Variants in ATXN7 observed in about 807,000 individuals in gnomAD.
ATXN7 encodes ataxin 7, also known as ataxin-7.
Under a neutral mutation model 70.5 loss-of-function variants are expected in ATXN7, and 12 were observed. That is an observed-to-expected ratio of 0.17 (90% CI 0.11 to 0.28). The LOEUF (loss-of-function observed/expected upper bound fraction) is 0.28. Among genes scored for constraint, ATXN7 ranks in the 10% least tolerant of loss-of-function variants. The pLI is 1.00. For missense variants in ATXN7, 1,256 were observed against 1,131.7 expected (o/e 1.11, Z -1.58); for synonymous variants, 498 against 448.7 (o/e 1.11, Z -1.39).
chr3:63,914,292 CTG>C (rs1417089765), intron 4 of ATXN7, among the ~76,000 whole-genome samples: 4 of 152,182 alleles, frequency 2.6e-5, no homozygotes, highest in Admixed American at 1.3e-4. Flanking sequence ...TCACTTAACT[CTG>C]TTTCGGTTTT....
At chr3:63,994,059 C>T (rs2075715871) in intron 11 of ATXN7, among the ~76,000 whole-genome samples, 1 of 152,124 alleles carries the variant, frequency 6.6e-6, no homozygotes, top group Non-Finnish European at 1.5e-5. Flanking sequence ...TTAGAATCCC[C>T]TGGAAAGATT....
At chr3:63,876,885 A>T (rs1044034753) in intron 1 of ATXN7, among the ~76,000 whole-genome samples, 1 of 152,234 alleles carries the variant, frequency 6.6e-6, no homozygotes, top group Non-Finnish European at 1.5e-5. Flanking sequence ...TGGCGTTCTT[A>T]CAGAGAGAAA....
At chr3:63,917,509 G>T (rs990317911) in intron 4 of ATXN7, among the ~76,000 whole-genome samples, 1 of 152,160 alleles carries the variant, frequency 6.6e-6, no homozygotes. Flanking sequence ...AACCTATATT[G>T]TGTCATTGTA....
At position 63,995,685 on chromosome 3, in the gene ATXN7, T is replaced by G. The variant is rs1192458804; in HGVS notation, c.1863T>G (p.His621Gln). 1 of 1,614,192 alleles carries G rather than the reference T, an allele frequency of 6.2e-7. No homozygotes were observed. Among genetic ancestry groups the G allele is most frequent in the Admixed American group, 1.7e-5 (1 of 60,024 alleles). Residue 621 changes from histidine to glutamine, a missense_variant, in exon 12 of 13, where the codon CAT becomes CAG. By Grantham distance (24) the His-to-Gln change is conservative. Coordinates refer to ENST00000674280, the MANE Select transcript of ATXN7 (RefSeq NM_001377405.1). Reference protein sequence around the residue: ...ISPNSKSVPAHGTTLNAQPAA... With the variant: ...ISPNSKSVPAQGTTLNAQPAA... ...CAAATAGCAAATCGGTACCAGCTCA[T>G]GGAACCACACTAAATGCACAGCCTG...
At chr3:63,897,931 T>A (rs1328412657) in intron 1 of ATXN7, among the ~76,000 whole-genome samples, 2 of 152,198 alleles carry the variant, frequency 1.3e-5, no homozygotes, top group Admixed American at 1.3e-4. Context: ...TTTAATTGAA[T>A]TGTTACCTGT....
intron 4 of ATXN7, among the ~76,000 whole-genome samples, chr3:63,935,202 T>C (rs2074636306): frequency 6.6e-6 from 1 of 152,140 alleles, no homozygotes; most frequent in Non-Finnish European, 1.5e-5. Flanking sequence ...ACAGTCACAT[T>C]ATGGAGGAGA....
rs1280043935 is a variant in ATXN7, at chr3:64,000,881, G to C, written c.*1414G>C. 1 of 145,374 alleles carries C rather than the reference G, an allele frequency of 6.9e-6. No homozygotes were observed. The highest frequency in any genetic ancestry group is 2.1e-4 in the East Asian group (1 of 4,866). 9.0% of individuals were successfully genotyped at this position (145,374 alleles called of 1,614,324 possible). Reference sequence around the variant, plus strand: ...AAGGTGTCATTGAATTCCGGGACGAGCCGGAGCCTTTAAATGGGTGCTTCC... The same window carrying C: ...AAGGTGTCATTGAATTCCGGGACGACCCGGAGCCTTTAAATGGGTGCTTCC... On this transcript the variant is annotated 3_prime_UTR_variant, in exon 13 of 13. Coordinates refer to ENST00000674280, the MANE Select transcript of ATXN7 (RefSeq NM_001377405.1).
intron 1 of ATXN7, chr3:63,873,990 C>T (rs1253136546): frequency 6.6e-6 from 1 of 152,226 alleles, no homozygotes; most frequent in Non-Finnish European, 1.5e-5. Context: ...CATCAGCCAC[C>T]ACACCTGGCC....
At position 63,883,548 on chromosome 3, in the gene ATXN7, A is replaced by C. The variant is rs566063281; in HGVS notation, c.-110-14851A>C. 1.5e-3 allele frequency among the ~76,000 whole-genome samples: 233 copies of C among 152,316 alleles called. 2 individuals are homozygous for C. Among genetic ancestry groups the C allele is most frequent in the African/African-American group, 5.4e-3 (225 of 41,572 alleles). On this transcript the variant is annotated intron_variant, in intron 1 of 12. Transcript: ENST00000674280. ...ATTCATTTATTCCCAATTAAAAAAA[A>C]AAACAAACTAGTTGTAACATTAAAA... is the stretch of plus-strand genomic sequence containing the variant.
At chr3:63,878,034 G>A (rs1214601173) in intron 1 of ATXN7, among the ~76,000 whole-genome samples, 2 of 152,194 alleles carry the variant, frequency 1.3e-5, no homozygotes, top group Non-Finnish European at 2.9e-5. Flanking sequence ...TTGCATTAGT[G>A]CAGAAAAAAG....
rs748075731 is a variant in ATXN7, at chr3:63,995,673, G to A, written c.1851G>A (p.Ser617=). The A allele has an allele frequency of 1.7e-5, 28 of 1,613,996 alleles. No individual in the cohort carries two copies. The highest frequency in any genetic ancestry group is 1.6e-4 in the Middle Eastern group (1 of 6,084). The change falls in exon 12 of 13, where the codon TCG becomes TCA. Residue 617 remains serine (S), a synonymous_variant. Coordinates refer to ENST00000674280, the MANE Select transcript of ATXN7 (RefSeq NM_001377405.1). ...CCTGCATCTCCCCAAATAGCAAATC[G>A]GTACCAGCTCATGGAACCACACTAA... The part of the protein sequence containing the change: ...SSTCISPNSK[S]VPAHGTTLNA...
rs2075798781 is a variant in ATXN7 at position 63,998,681 on chromosome 3, C to T, written c.2662-769C>T. On this transcript the variant is annotated intron_variant, in intron 12 of 12. Coordinates refer to ENST00000674280, the MANE Select transcript of ATXN7 (RefSeq NM_001377405.1). ...GGTGCTTGCTTAGAGATCAAAGGAT[C>T]ATTGAACCCCAAGAAGTATTGCACA... is the stretch of plus-strand genomic sequence containing the variant. 4 of 984,980 alleles carry T rather than the reference C, an allele frequency of 4.1e-6. No individual in the cohort carries two copies. The East Asian group carries it at 3.4e-4, about 84-fold the overall frequency. 61.0% of individuals were successfully genotyped at this position (984,980 alleles called of 1,614,324 possible). A position where few individuals can be genotyped will look rare whatever the true frequency, so the allele number is the denominator to read the frequency against.
At chr3:63,901,627 T>C (rs1478761608) in intron 2 of ATXN7, 2 of 152,204 alleles carry the variant, frequency 1.3e-5, no homozygotes, top group East Asian at 3.9e-4. Flanking sequence ...GGTCTCGCTA[T>C]GTGTCCTAGG....
chr3:63,933,775 T>C (rs145316578), intron 4 of ATXN7, among the ~76,000 whole-genome samples: 3 of 152,314 alleles, frequency 2.0e-5, no homozygotes, highest in East Asian at 3.9e-4. Context: ...GAAATAAACC[T>C]GTGCAAAGTA....
At chr3:63,983,486 TA>T (rs559706269) in intron 8 of ATXN7, among the ~76,000 whole-genome samples, 24 of 149,396 alleles carry the variant, frequency 1.6e-4, no homozygotes, top group Admixed American at 2.7e-4. Context: ...TTTTCTAGTT[TA>T]AAAAAAAAAT....
At chr3:63,934,959 C>T (rs2074631808) in intron 4 of ATXN7, among the ~76,000 whole-genome samples, 1 of 152,164 alleles carries the variant, frequency 6.6e-6, no homozygotes, top group South Asian at 2.1e-4. Context: ...GTTGTGACAA[C>T]CAAAAATGTC....
chr3:63,994,050 T>C (rs2075715588), intron 11 of ATXN7, among the ~76,000 whole-genome samples: 1 of 152,128 alleles, frequency 6.6e-6, no homozygotes, highest in Admixed American at 6.5e-5. Context: ...GGCTCCACAT[T>C]AGAATCCCCT....
At position 63,916,787 on chromosome 3, in the gene ATXN7, A is replaced by G. The variant is rs373507885; in HGVS notation, c.394+3562A>G. Among the ~76,000 whole-genome samples, 6 of 152,304 alleles carry G rather than the reference A, an allele frequency of 3.9e-5. No individual in the cohort carries two copies. In the East Asian group the frequency reaches 5.8e-4, roughly 15 times the overall value. On this transcript the variant is annotated intron_variant, in intron 4 of 12. Coordinates refer to ENST00000674280, the MANE Select transcript of ATXN7 (RefSeq NM_001377405.1). ...AAATTTGGTTATTTTTCAGAGGTCA[A>G]CCTAGTTTTGTTTGCATTCTTGTAT...
chr3:63,921,200 C>T (rs996965830), intron 4 of ATXN7, among the ~76,000 whole-genome samples: 1 of 152,142 alleles, frequency 6.6e-6, no homozygotes, highest in Non-Finnish European at 1.5e-5. Flanking sequence ...TATATGTAAG[C>T]ATATGGCAAG....
Sources: gnomAD v4.1 joint callset for allele counts (sites outside exome capture counted in the v4.1 genomes callset) on GRCh38, gnomAD v4.1.1 for gene constraint, MANE v1.5 for transcripts, NCBI Gene and HGNC (gene_info 2026-07-23, HGNC 2026-07-21) for gene names.